The following NPIPB2 variants were observed in gnomAD, a reference collection of about 807,000 sequenced individuals.
The protein encoded by NPIPB2 is nuclear pore complex interacting protein family member B2.
In NPIPB2, 27 loss-of-function variants were observed where a neutral mutation model predicts 30.8. That is an observed-to-expected ratio of 0.88 (90% CI 0.65 to 1.21). The LOEUF is 1.21. NPIPB2 is among the 50% of genes most tolerant of loss of function. The pLI is 0.00. For missense variants in NPIPB2, 440 were observed against 446.2 expected (o/e 0.99, Z 0.13); for synonymous variants, 147 against 162.0 (o/e 0.91, Z 0.70).
chr16:11,947,041 T>TATATATACC (rs1567471822), upstream of NPIPB2, among the ~76,000 whole-genome samples: 1 of 5,816 alleles, frequency 1.7e-4, no homozygotes, highest in African/African-American at 2.2e-4. Context: ...CTATTTGAAT[T>TATATATACC]ATATATATAT....
At chr16:11,943,060 G>C (rs537126526), upstream of NPIPB2, among the ~76,000 whole-genome samples, 9 of 152,244 alleles carry the variant, frequency 5.9e-5, no homozygotes, top group African/African-American at 1.9e-4. Context: ...GATGGCTCAC[G>C]CCTGTAATCC....
At chr16:11,957,864 A>G (rs1390261658) in intron 1 of NPIPB2, among the ~76,000 whole-genome samples, 1 of 152,138 alleles carries the variant, frequency 6.6e-6, no homozygotes. Context: ...AGCTCCTACA[A>G]TTGCATGAAG....
intron 1 of NPIPB2, among the ~76,000 whole-genome samples, chr16:11,955,348 T>C: frequency 8.8e-6 from 1 of 113,444 alleles, no homozygotes; most frequent in Non-Finnish European, 1.7e-5. Flanking sequence ...AGTGAAACTC[T>C]GTGTCAAAAA....
intron 2 of NPIPB2, among the ~76,000 whole-genome samples, chr16:11,936,353 G>A (rs921165977): frequency 2.0e-5 from 3 of 151,152 alleles, no homozygotes; most frequent in South Asian, 2.1e-4. Flanking sequence ...AATTTATACC[G>A]AAAATTCTCT....
At position 11,927,529 on chromosome 16, in the gene NPIPB2, C is replaced by T. The variant is rs774686849; in HGVS notation, c.1038G>A (p.Met346Ile). 27 of 1,575,600 alleles carry T rather than the reference C, an allele frequency of 1.7e-5. No individual in the cohort carries two copies. In the African/African-American group the frequency reaches 1.8e-4, roughly 10 times the overall value. ...GCCTCTTGGGTTCGGGTGGTGATTC[C>T]ATCTCAGCCGCTCTCCACCTCTTGG... Residue 346 changes from methionine to isoleucine, a missense_variant, in exon 8 of 8, where the codon ATG becomes ATA. Transcript: ENST00000399147.
intron 1 of NPIPB2, among the ~76,000 whole-genome samples, chr16:11,969,206 T>C (rs1429519581): frequency 6.6e-6 from 1 of 152,078 alleles, no homozygotes; most frequent in African/African-American, 2.4e-5. Context: ...TTCTCTCCGA[T>C]ATACATACAT....
upstream of NPIPB2, among the ~76,000 whole-genome samples, chr16:11,944,832 T>C (rs1377908443): frequency 6.6e-6 from 1 of 151,084 alleles, no homozygotes; most frequent in Non-Finnish European, 1.5e-5. Flanking sequence ...TGTTACCTGC[T>C]GAAGCCCTCT....
chr16:11,973,888 A>T (rs940643765), intron 1 of NPIPB2, among the ~76,000 whole-genome samples: 1 of 152,228 alleles, frequency 6.6e-6, no homozygotes, highest in Non-Finnish European at 1.5e-5. Flanking sequence ...GTTGAGGAGC[A>T]ATAAAGGATC....
chr16:11,947,467 C>G (rs991909676), intron 1 of NPIPB2, among the ~76,000 whole-genome samples: 2 of 151,788 alleles, frequency 1.3e-5, no homozygotes, highest in South Asian at 2.1e-4. Flanking sequence ...GCCTCAGCCT[C>G]CCGAGTAGCT....
intron 1 of NPIPB2, among the ~76,000 whole-genome samples, chr16:11,963,522 A>T (rs1344232704): frequency 6.6e-6 from 1 of 152,190 alleles, no homozygotes; most frequent in Non-Finnish European, 1.5e-5. Context: ...AACAAAAGGA[A>T]AACAACAAAT....
At chr16:11,933,263 A>C (rs1258117615) in intron 4 of NPIPB2, among the ~76,000 whole-genome samples, 1 of 152,080 alleles carries the variant, frequency 6.6e-6, no homozygotes, top group East Asian at 1.9e-4. Context: ...AGGAAAAAAA[A>C]AAAAAGAGAC....
At chr16:11,941,893 C>T (rs2054947128) in intron 1 of NPIPB2, 90 bp downstream of exon 1, 2 of 947,770 alleles carry the variant, frequency 2.1e-6, no homozygotes, top group South Asian at 1.4e-5. Flanking sequence ...GCGCTCCTTC[C>T]TTCCTGAGCT....
In NPIPB2 at chr16:11,963,081, C is replaced by A. The variant is rs186839575; in HGVS notation, c.-584+13487G>T. ...CAAAACAAACAAACAAACAAACAAA[C>A]AAATAAATAAAAAATCATCCAGGCT... On this transcript the variant is annotated intron_variant, in intron 1 of 5. Transcript: ENST00000538896. Among the ~76,000 whole-genome samples, 9 of 151,572 alleles carry A rather than the reference C, an allele frequency of 5.9e-5. No individual in the cohort carries two copies. The East Asian group carries it at 1.2e-3, about 20-fold the overall frequency.
At chr16:11,970,428 G>T (rs1206681718) in intron 1 of NPIPB2, among the ~76,000 whole-genome samples, 1 of 152,010 alleles carries the variant, frequency 6.6e-6, no homozygotes, top group Non-Finnish European at 1.5e-5. Context: ...GGTCAGGCTG[G>T]TCTCGGACTC....
chr16:11,945,062 C>T (rs1477593257), upstream of NPIPB2, among the ~76,000 whole-genome samples: 1 of 151,922 alleles, frequency 6.6e-6, no homozygotes, highest in East Asian at 1.9e-4. Context: ...TGGAGCATGC[C>T]TGTAATCCCA....
upstream of NPIPB2, among the ~76,000 whole-genome samples, chr16:11,944,812 G>C (rs1476615291): frequency 6.7e-6 from 1 of 149,924 alleles, no homozygotes; most frequent in Non-Finnish European, 1.5e-5. Context: ...AATACATTTA[G>C]GCCAGATGCT....
chr16:11,955,582 T>C (rs1466851366), intron 1 of NPIPB2, among the ~76,000 whole-genome samples: 1 of 151,282 alleles, frequency 6.6e-6, no homozygotes, highest in East Asian at 1.9e-4. Context: ...CCAGGCATGG[T>C]GGCACGCCCC....
downstream of NPIPB2, chr16:11,927,297 G>A (rs1236206207): frequency 4.1e-6 from 3 of 736,034 alleles, no homozygotes; most frequent in Admixed American, 4.5e-5. Flanking sequence ...TTCTTTGTTA[G>A]TTTGTTTTTG....
upstream of NPIPB2, among the ~76,000 whole-genome samples, chr16:11,943,090 G>A (rs1230893827): frequency 2.0e-5 from 3 of 152,198 alleles, no homozygotes; most frequent in African/African-American, 7.2e-5. Flanking sequence ...GGGAGGCCGA[G>A]GTGGGCGGAT....
Sources: allele counts gnomAD v4.1 joint callset (sites outside exome capture counted in the v4.1 genomes callset), GRCh38; gene constraint gnomAD v4.1.1; transcripts MANE v1.5; gene names NCBI Gene and HGNC (gene_info 2026-07-23, HGNC 2026-07-21).